The following PFKL variants were observed in gnomAD, a reference collection of about 807,000 sequenced individuals.
PFKL encodes phosphofructokinase, liver type.
In PFKL, 74 loss-of-function variants were observed where a neutral mutation model predicts 92.1. The ratio of observed to expected loss-of-function variants is 0.80; its 90% CI spans 0.67 to 0.97. The LOEUF is 0.97. Among genes scored for constraint, PFKL ranks in the 50% least tolerant of loss-of-function variants. The probability of loss-of-function intolerance (pLI) is 0.00; values close to 1 mark genes in which losing one functional copy is unlikely to be tolerated. For synonymous variants in PFKL, 494 were observed against 456.4 expected (o/e 1.08, Z -1.05); for missense variants, 1,028 against 1,116.6 (o/e 0.92, Z 1.13).
rs2047266490 is a variant in PFKL, at chr21:44,318,401, C to CAGAG, written c.937-68_937-65dup. The CAGAG allele has an allele frequency of 3.7e-6, 5 of 1,367,908 alleles. No homozygotes were observed. In the Admixed American group the frequency reaches 1.4e-4, roughly 37 times the overall value. 84.7% of individuals were successfully genotyped at this position (1,367,908 alleles called of 1,614,324 possible). ...CTGGAAGCTGGGGTTTGCACATCTA[C>CAGAG]AGAGGATGGGCATGTGGCTTGGGGT... On this transcript the variant is annotated intron_variant, in intron 9 of 21. Coordinates refer to ENST00000349048, the MANE Select transcript of PFKL (RefSeq NM_002626.6).
chr21:44,322,496 A>G (rs1343276901), intron 14 of PFKL, among the ~76,000 whole-genome samples: 2 of 152,164 alleles, frequency 1.3e-5, no homozygotes, highest in Non-Finnish European at 2.9e-5. Context: ...CTGCACTGTC[A>G]GCACTCTGGC....
intron 1 of PFKL, among the ~76,000 whole-genome samples, chr21:44,303,090 T>G (rs1410190842): frequency 1.3e-5 from 2 of 151,812 alleles, no homozygotes; most frequent in East Asian, 3.9e-4. Context: ...AAAAATTAGC[T>G]GGGCATGGTG....
At chr21:44,307,246 T>C in intron 2 of PFKL, 1 of 984,282 alleles carries the variant, frequency 1.0e-6, no homozygotes, top group African/African-American at 1.7e-5. Flanking sequence ...TCTATGTTCA[T>C]TGTGTCCCCG....
chr21:44,304,265 C>T, intron 1 of PFKL: 1 of 1,289,184 alleles, frequency 7.8e-7, no homozygotes, highest in Non-Finnish European at 1.0e-6. Flanking sequence ...GGCCCCTTTG[C>T]CGTTCCCAGG....
At chr21:44,315,146 G>T (rs1263287289) in intron 7 of PFKL, 1 of 152,370 alleles carries the variant, frequency 6.6e-6, no homozygotes, top group Admixed American at 6.5e-5. Context: ...CCTATGAGGG[G>T]CTTGCTCTCC....
chr21:44,316,930 C>T lies in PFKL; in HGVS notation c.936+406C>T, dbSNP rs1045958417. On this transcript the variant is annotated intron_variant, in intron 9 of 21. Coordinates refer to ENST00000349048, the MANE Select transcript of PFKL (RefSeq NM_002626.6). ...TGACCCCCACCCTCTGCCAGCCCAA[C>T]GTGGCAGCAGTCAGGGCCAGGGGCA... 5.9e-5 allele frequency among the ~76,000 whole-genome samples: 9 copies of T among 152,184 alleles called. No homozygotes were observed. The South Asian group carries it at 6.2e-4, about 10-fold the overall frequency.
At chr21:44,316,035 G>A (rs1389662627) in intron 7 of PFKL, 8 of 585,192 alleles carry the variant, frequency 1.4e-5, no homozygotes, top group Non-Finnish European at 2.1e-5. Flanking sequence ...CTTGTTCACC[G>A]CCTCCAGGAG....
chr21:44,318,176 C>T (rs1486401226), intron 9 of PFKL, among the ~76,000 whole-genome samples: 3 of 152,364 alleles, frequency 2.0e-5, no homozygotes, highest in Non-Finnish European at 2.9e-5. Context: ...CCTTGCCTTG[C>T]GCGCCTAGCG....
At chr21:44,322,296 G>C (rs1224447782) in intron 14 of PFKL, 93 bp downstream of exon 14, 12 of 1,215,456 alleles carry the variant, frequency 9.9e-6, no homozygotes, top group African/African-American at 1.5e-5. Flanking sequence ...ACCCAGCCCG[G>C]GGCCCTGGGC....
In PFKL at chr21:44,322,031, C is replaced by T. The variant is rs559489241; in HGVS notation, c.1339-102C>T. 2.2e-4 allele frequency: 326 copies of T among 1,458,868 alleles called. 5 individuals are homozygous for T. The South Asian group carries it at 3.4e-3, about 15-fold the overall frequency. The allele number at this position is 1,458,868 out of a possible 1,614,324, so 90.4% of individuals were successfully genotyped here. ...CCTGGGTACTCAGCTCTGCCTGCAG[C>T]GTGATGCCCAACACTGGCTGGCCCC... is the stretch of plus-strand genomic sequence containing the variant. On this transcript the variant is annotated intron_variant, in intron 13 of 21. Transcript: ENST00000349048.
At position 44,300,114 on chromosome 21, in the gene PFKL, G is replaced by A. The variant is rs2040723410; in HGVS notation, c.9G>A (p.Ala3=). The part of the protein sequence containing the change: MA[A]VDLEKLRASG... ...GTGTTTCGGCCGCCGCCATGGCCGC[G>A]GTGGACCTGGAGAAGCTGCGGGCGT... Residue 3 remains alanine, a synonymous_variant, in exon 1 of 22, where the codon GCG becomes GCA. Coordinates refer to ENST00000349048, the MANE Select transcript of PFKL (RefSeq NM_002626.6). 1 of 1,170,502 alleles carries A rather than the reference G, an allele frequency of 8.5e-7. No individual in the cohort carries two copies. Among genetic ancestry groups the A allele is most frequent in the Non-Finnish European group, 1.1e-6 (1 of 933,996 alleles). 72.5% of individuals were successfully genotyped at this position (1,170,502 alleles called of 1,614,324 possible). A position where few individuals can be genotyped will look rare whatever the true frequency, so the allele number is the denominator to read the frequency against.
At chr21:44,322,241 C>T (rs776580577) in intron 14 of PFKL, 38 bp downstream of exon 14, 5 of 1,571,188 alleles carry the variant, frequency 3.2e-6, no homozygotes, top group African/African-American at 1.3e-5. Flanking sequence ...GGCAGGAGGG[C>T]CAGGGCGCAG....
At position 44,324,008 on chromosome 21, in the gene PFKL, G is replaced by A; in HGVS notation, c.1650+90G>A. 3 of 1,480,138 alleles carry A rather than the reference G, an allele frequency of 2.0e-6. No individual in the cohort carries two copies. The South Asian group carries it at 3.5e-5, about 17-fold the overall frequency. 91.7% of individuals were successfully genotyped at this position (1,480,138 alleles called of 1,614,324 possible). ...GAGGCTGCTGGAGGGGATAGTGTGT[G>A]GTGAGCACCTGGGAGGGCTGCCAGG... On this transcript the variant is annotated intron_variant, in intron 16 of 21. Transcript: ENST00000349048.
At chr21:44,311,593 C>G (rs2047049747) in intron 3 of PFKL, among the ~76,000 whole-genome samples, 1 of 152,208 alleles carries the variant, frequency 6.6e-6, no homozygotes, top group Non-Finnish European at 1.5e-5. Context: ...CATCTGCTGC[C>G]ATGGAATTGT....
chr21:44,320,170 C>T (rs1201698158), intron 12 of PFKL, 23 bp downstream of exon 12: 1 of 1,605,692 alleles, frequency 6.2e-7, no homozygotes, highest in Non-Finnish European at 8.5e-7. Context: ...GCGGCGCCCA[C>T]AGAGGGAGGA....
chr21:44,314,002 T>A lies in PFKL; in HGVS notation c.728T>A (p.Met243Lys), dbSNP rs1335535843. ...APPEDGWENF[M>K]CERLGETRSR... ...CCCGAGGACGGCTGGGAGAACTTCA[T>A]GTGTGAGAGGCTGGGTGAGGTGGGT... The change falls in exon 7 of 22, where the codon ATG becomes AAG. Residue 243 changes from methionine (M) to lysine (K), a missense_variant. Physicochemically the swap from Met to Lys is moderately conservative, Grantham distance 95 (BLOSUM62 -1). Transcript: ENST00000349048. The A allele has an allele frequency of 6.2e-7, 1 of 1,606,516 alleles. No homozygotes were observed. The highest frequency in any genetic ancestry group is 1.3e-5 in the African/African-American group (1 of 74,860).
At chr21:44,317,594 GC>G (rs2047241681) in intron 9 of PFKL, among the ~76,000 whole-genome samples, 1 of 152,196 alleles carries the variant, frequency 6.6e-6, no homozygotes, top group Admixed American at 6.5e-5. Flanking sequence ...GATGCCTGAT[GC>G]CGGGTGTGAA....
At chr21:44,304,291 A>T (rs1457730476) in intron 1 of PFKL, 1 of 1,288,830 alleles carries the variant, frequency 7.8e-7, no homozygotes, top group Non-Finnish European at 1.0e-6. Context: ...TGACAAGCCC[A>T]CCAGGCCCCC....
intron 7 of PFKL, 77 bp from the exon 8 acceptor site, chr21:44,316,167 G>T: frequency 3.7e-6 from 5 of 1,361,294 alleles, no homozygotes; most frequent in South Asian, 3.5e-5. Flanking sequence ...CCCAGGGAGG[G>T]CTCCTGGCAC....
Sources: gnomAD v4.1 joint callset for allele counts (sites outside exome capture counted in the v4.1 genomes callset) on GRCh38, gnomAD v4.1.1 for gene constraint, MANE v1.5 for transcripts, NCBI Gene and HGNC (gene_info 2026-07-23, HGNC 2026-07-21) for gene names.